Variants in SLC39A11 observed in about 807,000 individuals in gnomAD.
SLC39A11 encodes the protein solute carrier family 39 member 11.
In SLC39A11, 33 loss-of-function variants were observed where a neutral mutation model predicts 36.1. That is an observed-to-expected ratio of 0.91 (90% CI 0.69 to 1.22). The LOEUF (loss-of-function observed/expected upper bound fraction) is 1.22, where lower values mean the gene tolerates loss of function less well. SLC39A11 is among the 50% of genes most tolerant of loss of function. The pLI is 0.00. For missense variants in SLC39A11, 432 were observed against 430.3 expected (o/e 1.00, Z -0.03); for synonymous variants, 166 against 170.3 (o/e 0.97, Z 0.20).
intron 7 of SLC39A11, among the ~76,000 whole-genome samples, chr17:72,732,266 C>G (rs2074263970): frequency 6.6e-6 from 1 of 151,902 alleles, no homozygotes; most frequent in Non-Finnish European, 1.5e-5. Flanking sequence ...CCGCCCGCCT[C>G]GGCCTCTCAA....
chr17:72,940,297 T>C (rs2131608), intron 5 of SLC39A11, among the ~76,000 whole-genome samples: 149,760 of 150,344 alleles, frequency 1, 74,593 homozygotes, highest in South Asian at 1. Context: ...TTTTTTGAGA[T>C]GGAGTTTTGC....
intron 6 of SLC39A11, among the ~76,000 whole-genome samples, chr17:72,836,302 A>G (rs1363439727): frequency 1.3e-5 from 2 of 151,746 alleles, no homozygotes; most frequent in African/African-American, 4.8e-5. Flanking sequence ...ACGGAGACAG[A>G]GTGTGAGTTA....
chr17:72,934,153 G>T (rs138435271), intron 5 of SLC39A11, among the ~76,000 whole-genome samples: 1 of 151,612 alleles, frequency 6.6e-6, no homozygotes, highest in East Asian at 1.9e-4. Flanking sequence ...GAAAACCTTT[G>T]CAAACTTAAG....
intron 7 of SLC39A11, among the ~76,000 whole-genome samples, chr17:72,699,954 C>T (rs1394869225): frequency 2.6e-5 from 4 of 152,088 alleles, no homozygotes; most frequent in African/African-American, 7.2e-5. Context: ...AATCAGTCCA[C>T]GAAAAACCTC....
At chr17:73,081,031 G>A (rs1021913188) in intron 3 of SLC39A11, among the ~76,000 whole-genome samples, 6 of 151,406 alleles carry the variant, frequency 4.0e-5, no homozygotes, top group African/African-American at 1.5e-4. Context: ...CAGCAAACAG[G>A]CAACCCACAG....
intron 6 of SLC39A11, among the ~76,000 whole-genome samples, chr17:72,841,714 C>T (rs2078818587): frequency 6.6e-6 from 1 of 152,030 alleles, no homozygotes. Flanking sequence ...TTGTTGGTAA[C>T]ACAGAGGATA....
intron 4 of SLC39A11, among the ~76,000 whole-genome samples, chr17:72,980,394 G>A (rs1036268888): frequency 1.3e-5 from 2 of 152,190 alleles, no homozygotes; most frequent in East Asian, 1.9e-4. Flanking sequence ...ACTGGGAGAC[G>A]CGATGAGTAG....
intron 4 of SLC39A11, among the ~76,000 whole-genome samples, chr17:72,954,097 A>G (rs1173521254): frequency 1.3e-5 from 2 of 152,124 alleles, no homozygotes; most frequent in East Asian, 3.9e-4. Flanking sequence ...CCCAGGCTGG[A>G]GTGCAGTGGT....
chr17:73,058,704 C>G (rs934216486), intron 3 of SLC39A11, among the ~76,000 whole-genome samples: 4 of 152,150 alleles, frequency 2.6e-5, no homozygotes, highest in African/African-American at 9.7e-5. Context: ...GCCTGGCTGA[C>G]AGAGCGAAAC....
intron 4 of SLC39A11, among the ~76,000 whole-genome samples, chr17:73,026,430 G>C (rs891557341): frequency 6.7e-6 from 1 of 148,192 alleles, no homozygotes; most frequent in Non-Finnish European, 1.5e-5. Context: ...CAGGAGAATC[G>C]CCTGAACCCG....
rs370117535 is a variant in SLC39A11 at position 72,799,871 on chromosome 17, T to G, written c.601+49763A>C. Among the ~76,000 whole-genome samples the G allele has an allele frequency of 7.9e-5, 12 of 152,186 alleles. No individual in the cohort carries two copies. In the East Asian group the frequency reaches 1.2e-3, roughly 15 times the overall value. On this transcript the variant is annotated intron_variant, in intron 6 of 9. Transcript: ENST00000255559. ...ATCAGTGGTTCTGCTTTTTGTCCTT[T>G]GAAGCATGTGATCTTTGTACCTACT...
intron 6 of SLC39A11, among the ~76,000 whole-genome samples, chr17:72,758,165 T>A (rs2075433572): frequency 6.6e-6 from 1 of 152,188 alleles, no homozygotes; most frequent in Non-Finnish European, 1.5e-5. Context: ...GGATTATAAA[T>A]GTGAGCCACT....
intron 6 of SLC39A11, among the ~76,000 whole-genome samples, chr17:72,772,283 G>A (rs1178125690): frequency 2.0e-5 from 3 of 152,154 alleles, no homozygotes; most frequent in East Asian, 3.9e-4. Context: ...CTGCTGGCAC[G>A]TCCAACCTGT....
chr17:73,047,987 AAAAATATATATATATATATAT>A (rs1256184488), intron 3 of SLC39A11, among the ~76,000 whole-genome samples: 40 of 50,312 alleles, frequency 8.0e-4, no homozygotes, highest in Middle Eastern at 7.5e-3. Flanking sequence ...AAAAAAAAAA[AAAAATATATATATATATATAT>A]ATATATATAT....
intron 2 of SLC39A11, among the ~76,000 whole-genome samples, chr17:73,088,044 C>G (rs1028479454): frequency 1.3e-5 from 2 of 152,104 alleles, no homozygotes; most frequent in Non-Finnish European, 2.9e-5. Flanking sequence ...GTGGCTCACA[C>G]CTGCAATCCC....
intron 3 of SLC39A11, among the ~76,000 whole-genome samples, chr17:73,079,947 T>G (rs2060458442): frequency 6.6e-6 from 1 of 151,754 alleles, no homozygotes; most frequent in South Asian, 2.1e-4. Context: ...ACCAAGGAGG[T>G]GAAAGACCTC....
chr17:72,899,593 A>G (rs1410227329), intron 5 of SLC39A11, among the ~76,000 whole-genome samples: 1 of 152,208 alleles, frequency 6.6e-6, no homozygotes, highest in Non-Finnish European at 1.5e-5. Context: ...GGATTATAGC[A>G]ATGGGCAAAT....
At chr17:72,720,034 T>C (rs1175560738) in intron 7 of SLC39A11, among the ~76,000 whole-genome samples, 2 of 152,150 alleles carry the variant, frequency 1.3e-5, no homozygotes, top group African/African-American at 4.8e-5. Context: ...TTGTGTGGTC[T>C]GGAGGGGCCG....
At chr17:72,703,395 G>T (rs1189846248) in intron 7 of SLC39A11, among the ~76,000 whole-genome samples, 1 of 152,102 alleles carries the variant, frequency 6.6e-6, no homozygotes, top group Non-Finnish European at 1.5e-5. Flanking sequence ...CGTGTGGGGA[G>T]AAATAGGAGA....
Sources: allele counts gnomAD v4.1 joint callset (sites outside exome capture counted in the v4.1 genomes callset), GRCh38; gene constraint gnomAD v4.1.1; transcripts MANE v1.5; gene names NCBI Gene and HGNC (gene_info 2026-07-23, HGNC 2026-07-21).